Variants in PAX4 observed in about 807,000 individuals in gnomAD.
PAX4 encodes paired box 4, also known as paired box protein Pax-4.
In PAX4, 33 loss-of-function variants were observed where a neutral mutation model predicts 40.6. That is an observed-to-expected ratio of 0.81 (90% CI 0.62 to 1.09). The LOEUF (loss-of-function observed/expected upper bound fraction) is 1.09. PAX4 is among the 50% of genes least tolerant of loss of function. PAX4 has a pLI of 0.00. For missense variants in PAX4, 459 were observed against 442.5 expected (o/e 1.04, Z -0.33); for synonymous variants, 174 against 170.6 (o/e 1.02, Z -0.16).
chr7:127,616,746 G>A (rs908276061), intron 2 of PAX4, among the ~76,000 whole-genome samples: 1 of 152,226 alleles, frequency 6.6e-6, no homozygotes, highest in Non-Finnish European at 1.5e-5. Context: ...TTTCAGAGAC[G>A]ATGTTTCTGG....
intron 9 of PAX4, among the ~76,000 whole-genome samples, chr7:127,612,542 G>A (rs1794647836): frequency 6.6e-6 from 1 of 151,520 alleles, no homozygotes; most frequent in Non-Finnish European, 1.5e-5. Context: ...TGGGTGAGCA[G>A]ATGGGTGGGT....
rs541336209 is a variant in PAX4 at position 127,610,771 on chromosome 7, T to C, written c.*293A>G. 1 of 1,067,546 alleles carries C rather than the reference T, an allele frequency of 9.4e-7. No individual in the cohort carries two copies. The highest frequency in any genetic ancestry group is 1.6e-5 in the African/African-American group (1 of 64,272). 66.1% of individuals were successfully genotyped at this position (1,067,546 alleles called of 1,614,324 possible). ...AATATTAGAGTGGGCATAGGGGTGC[T>C]CATAGGGAAAACATGATGGACAACA... On this transcript the variant is annotated 3_prime_UTR_variant, in exon 12 of 12. Coordinates refer to ENST00000639438, the MANE Select transcript of PAX4 (RefSeq NM_001366110.1).
intron 3 of PAX4, 157 bp from the exon 4 acceptor site, chr7:127,615,688 G>A: frequency 2.6e-6 from 4 of 1,531,122 alleles, no homozygotes; most frequent in Middle Eastern, 2.1e-4. Context: ...GTCAACGCAA[G>A]CTGCTTTCTT....
chr7:127,614,816 G>C (rs1794697042), intron 5 of PAX4, 64 bp downstream of exon 5: 1 of 1,566,688 alleles, frequency 6.4e-7, no homozygotes, highest in South Asian at 1.2e-5. Flanking sequence ...AAATAAGAAA[G>C]GTTCTTTGTC....
At position 127,610,567 on chromosome 7, in the gene PAX4, G is replaced by GTA; in HGVS notation, c.*496_*497insTA. 3.4e-6 allele frequency: 1 copy of GTA among 293,708 alleles called. No homozygotes were observed. Among genetic ancestry groups the GTA allele is most frequent in the Non-Finnish European group, 6.2e-6 (1 of 162,220 alleles). 18.2% of individuals were successfully genotyped at this position (293,708 alleles called of 1,614,324 possible). On this transcript the variant is annotated 3_prime_UTR_variant, in exon 12 of 12. Transcript: ENST00000639438. ...TGTCAGTGTGTGTGTGTGTGTGTGT[G>GTA]TGTGCGCGCACGCATGCACGCATAC... is the stretch of plus-strand genomic sequence containing the variant.
Position 127,615,082 on chromosome 7 carries a change from C to G in PAX4, c.158G>C (p.Cys53Ser), listed in dbSNP as rs764355761. The change falls in exon 5 of 12, where the codon TGT becomes TCT. Residue 53 changes from cysteine (C) to serine (S), a missense_variant. Transcript: ENST00000639438. ...GTAACGCCCTAGGATCTTGCTCACA[C>G]AGCCATTAGATACCTGAGTCAGGTG... The part of the protein sequence containing the change: ...ISRILKVSNG[C>S]VSKILGRYYR... 22 of 1,614,178 alleles carry G rather than the reference C, an allele frequency of 1.4e-5. No homozygotes were observed. The highest frequency in any genetic ancestry group is 1.9e-5 in the Non-Finnish European group (22 of 1,180,040).
intron 10 of PAX4, 78 bp from the exon 11 acceptor site, chr7:127,611,754 C>G (rs1193385912): frequency 1.2e-6 from 2 of 1,602,170 alleles, no homozygotes; most frequent in South Asian, 2.2e-5. Flanking sequence ...CCAGAGCTGC[C>G]TGCCACCCAA....
At chr7:127,616,852 G>C (rs1454326918) in intron 2 of PAX4, among the ~76,000 whole-genome samples, 1 of 152,220 alleles carries the variant, frequency 6.6e-6, no homozygotes, top group African/African-American at 2.4e-5. Context: ...CATAGAAACC[G>C]TCATGAGCCC....
intron 2 of PAX4, 67 bp from the exon 3 acceptor site, chr7:127,616,094 G>A: frequency 2.7e-6 from 2 of 737,716 alleles, no homozygotes; most frequent in South Asian, 4.1e-5. Context: ...GTAGTGTTTT[G>A]TGATAGAGGG....
chr7:127,616,344 C>T (rs1794723057), intron 2 of PAX4, among the ~76,000 whole-genome samples: 1 of 152,092 alleles, frequency 6.6e-6, no homozygotes, highest in Non-Finnish European at 1.5e-5. Context: ...TTCCCCTTTC[C>T]AAATGGACAG....
chr7:127,613,994 A>G lies in PAX4; in HGVS notation c.437-113T>C, dbSNP rs1431661095. On this transcript the variant is annotated intron_variant, in intron 6 of 11. Transcript: ENST00000639438. ...GGAGACACCATGGGTAGAAGAGCAG[A>G]GCCAAGCTGGTGGGGCATTCATAGT... is the stretch of plus-strand genomic sequence containing the variant. 7 of 1,282,064 alleles carry G rather than the reference A, an allele frequency of 5.5e-6. No homozygotes were observed. The African/African-American group carries it at 8.8e-5, about 16-fold the overall frequency. 79.4% of individuals were successfully genotyped at this position (1,282,064 alleles called of 1,614,324 possible).
intron 2 of PAX4, 108 bp from the exon 3 acceptor site, chr7:127,616,135 C>G (rs1313890370): frequency 1.7e-6 from 1 of 584,022 alleles, no homozygotes; most frequent in African/African-American, 1.9e-5. Flanking sequence ...AGTGGGTTGG[C>G]TAAAATCAGA....
At chr7:127,611,374 G>A (rs1046706163) in intron 11 of PAX4, among the ~76,000 whole-genome samples, 161 bp downstream of exon 11, 1 of 152,114 alleles carries the variant, frequency 6.6e-6, no homozygotes, top group African/African-American at 2.4e-5. Context: ...ATAGACTCAG[G>A]GGTTACTAGT....
In PAX4 at chr7:127,615,468, G is replaced by A. The variant is rs766184275; in HGVS notation, c.77C>T (p.Thr26Ile). The A allele has an allele frequency of 1.2e-5, 19 of 1,614,082 alleles. No individual in the cohort carries two copies. The highest frequency in any genetic ancestry group is 1.7e-5 in the Admixed American group (1 of 60,014). Residue 26 changes from threonine (T) to isoleucine (I), a missense_variant, in exon 4 of 12, where the codon ACC (threonine) becomes ATC (isoleucine). Physicochemically the swap from Thr to Ile is moderately conservative, Grantham distance 89. Transcript: ENST00000639438. ...TGCTAGCCGCACAATCTGCTGCCGG[G>A]TATCCAGAGGCAGGGGCCGGCCATT... ...FVNGRPLPLD[T>I]RQQIVRLAVS... is the part of the protein sequence containing the mutation.
At chr7:127,611,734 C>G in intron 10 of PAX4, 58 bp from the exon 11 acceptor site, 3 of 1,603,332 alleles carry the variant, frequency 1.9e-6, no homozygotes, top group Non-Finnish European at 2.5e-6. Flanking sequence ...CTGTAGAGAA[C>G]GCCGGGACCC....
At chr7:127,616,239 G>C (rs1177414508) in intron 2 of PAX4, among the ~76,000 whole-genome samples, 1 of 152,186 alleles carries the variant, frequency 6.6e-6, no homozygotes, top group Non-Finnish European at 1.5e-5. Context: ...GTCCTGATAA[G>C]GGGCTGGGAG....
At chr7:127,612,462 AATGGGTGGATGG>A (rs1444450407) in intron 9 of PAX4, among the ~76,000 whole-genome samples, 187 of 137,174 alleles carry the variant, frequency 1.4e-3, no homozygotes, top group African/African-American at 5.2e-3. Context: ...TGCATGAATG[AATGGGTGGATGG>A]ATGGATGGAT....
chr7:127,614,676 G>T, intron 5 of PAX4, 119 bp from the exon 6 acceptor site: 2 of 1,118,984 alleles, frequency 1.8e-6, no homozygotes, highest in Non-Finnish European at 2.6e-6. Context: ...GTTCCCAAGG[G>T]CAGCCTCCTC....
intron 3 of PAX4, 152 bp downstream of exon 3, chr7:127,615,764 G>A: frequency 6.7e-7 from 1 of 1,503,024 alleles, no homozygotes. Context: ...TGATCTAAGG[G>A]AAGCAGGACA....
Sources: allele counts gnomAD v4.1 joint callset (sites outside exome capture counted in the v4.1 genomes callset), GRCh38; gene constraint gnomAD v4.1.1; transcripts MANE v1.5; gene names NCBI Gene and HGNC (gene_info 2026-07-23, HGNC 2026-07-21).